The following ANKRD30BL variants were observed in gnomAD, a reference collection of about 807,000 sequenced individuals.
The protein encoded by ANKRD30BL is ankyrin repeat domain 30B like.
Under a neutral mutation model 18.4 loss-of-function variants are expected in ANKRD30BL, and 20 were observed. The observed-to-expected ratio is 1.09, with a 90% confidence interval of 0.77 to 1.58. The LOEUF is 1.58. Ranked by LOEUF, ANKRD30BL falls within the 40% of genes most tolerant of loss-of-function variation. The pLI is 0.00. For missense variants in ANKRD30BL, 224 were observed against 268.6 expected (o/e 0.83, Z 1.16); for synonymous variants, 72 against 100.9 (o/e 0.71, Z 1.72).
At chr2:132,184,888 A>G (rs1249012169) in intron 1 of ANKRD30BL, among the ~76,000 whole-genome samples, 1 of 151,584 alleles carries the variant, frequency 6.6e-6, no homozygotes, top group Admixed American at 6.6e-5. Flanking sequence ...ATCTCAGCTC[A>G]TGCAATTTCC....
chr2:132,221,677 G>A (rs559994716), intron 1 of ANKRD30BL, among the ~76,000 whole-genome samples: 1,215 of 118,530 alleles, frequency 0.01, 47 homozygotes, highest in African/African-American at 0.049. Flanking sequence ...CAGCCGCCCC[G>A]TCCGGGAGGG....
chr2:132,212,153 A>ATT (rs370768432), intron 1 of ANKRD30BL, among the ~76,000 whole-genome samples: 22 of 149,452 alleles, frequency 1.5e-4, no homozygotes, highest in Admixed American at 5.4e-4. Context: ...AGTGTTGAAC[A>ATT]TTTTTTTTTT....
At chr2:132,252,420 C>T (rs1424275213) in intron 1 of ANKRD30BL, among the ~76,000 whole-genome samples, 1 of 152,194 alleles carries the variant, frequency 6.6e-6, no homozygotes. Flanking sequence ...GACACCACAG[C>T]ATCCAGTGGA....
At chr2:132,225,848 G>C (rs1015720093) in intron 1 of ANKRD30BL, among the ~76,000 whole-genome samples, 2 of 151,892 alleles carry the variant, frequency 1.3e-5, no homozygotes, top group South Asian at 4.1e-4. Context: ...ATAAAAACTA[G>C]ACAGTAGCAT....
chr2:132,184,958 G>A (rs934973654), intron 1 of ANKRD30BL, among the ~76,000 whole-genome samples: 9 of 152,036 alleles, frequency 5.9e-5, no homozygotes, highest in African/African-American at 2.2e-4. Context: ...GACTACAGGT[G>A]CATGCCACCA....
chr2:132,200,323 G>T (rs1004985436), intron 1 of ANKRD30BL, among the ~76,000 whole-genome samples: 1 of 151,850 alleles, frequency 6.6e-6, no homozygotes, highest in Non-Finnish European at 1.5e-5. Flanking sequence ...GAAATAAAGG[G>T]TATTCAATTA....
chr2:132,173,151 A>C (rs572304151), intron 1 of ANKRD30BL, among the ~76,000 whole-genome samples: 1 of 151,382 alleles, frequency 6.6e-6, no homozygotes, highest in African/African-American at 2.4e-5. Context: ...TTTTTCTAGG[A>C]GTTTAAGGGT....
At chr2:132,176,153 G>T (rs1422924633) in intron 1 of ANKRD30BL, among the ~76,000 whole-genome samples, 1 of 152,076 alleles carries the variant, frequency 6.6e-6, no homozygotes, top group Non-Finnish European at 1.5e-5. Flanking sequence ...CAGCATTTTG[G>T]CAGGTGGAGG....
chr2:132,253,112 C>T lies in ANKRD30BL; in HGVS notation n.441+4417G>A, dbSNP rs562742453. The T allele has an allele frequency of 6.6e-3, 1,191 of 179,778 alleles. 14 individuals carry two copies. Among genetic ancestry groups the T allele is most frequent in the African/African-American group, 0.026 (1,086 of 41,864 alleles). The allele number at this position is 179,778 out of a possible 1,614,324, so 11.1% of individuals were successfully genotyped here. On this transcript the variant is annotated intron_variant and non_coding_transcript_variant, in intron 1 of 4. Transcript: ENST00000470729. Reference sequence around the variant, plus strand: ...CCTGCCAGGGAACAGTCATGCACCCCGAGGAGCCCAGAGGCAACCCTGGGG... The same window carrying T: ...CCTGCCAGGGAACAGTCATGCACCCTGAGGAGCCCAGAGGCAACCCTGGGG...
intron 1 of ANKRD30BL, among the ~76,000 whole-genome samples, chr2:132,236,555 C>A (rs1028263791): frequency 1.3e-5 from 2 of 152,102 alleles, no homozygotes; most frequent in Middle Eastern, 3.2e-3. Flanking sequence ...CAGAGAAATG[C>A]AAATCAAAAC....
chr2:132,234,767 A>G (rs201230708), intron 1 of ANKRD30BL, among the ~76,000 whole-genome samples: 5 of 152,150 alleles, frequency 3.3e-5, no homozygotes, highest in South Asian at 2.1e-4. Context: ...ACAAGGAGGA[A>G]CTGGTACCAT....
At chr2:132,204,862 G>T (rs1340565717) in intron 1 of ANKRD30BL, among the ~76,000 whole-genome samples, 4 of 152,262 alleles carry the variant, frequency 2.6e-5, no homozygotes, top group Non-Finnish European at 4.4e-5. Flanking sequence ...TGAGATGCAG[G>T]TGGTGAAGAC....
intron 5 of ANKRD30BL, among the ~76,000 whole-genome samples, chr2:132,150,665 C>T (rs1163679280): frequency 1.3e-5 from 2 of 151,562 alleles, no homozygotes; most frequent in Non-Finnish European, 2.9e-5. Flanking sequence ...TTAGGGACCA[C>T]AATTAAACAA....
chr2:132,169,004 G>A (rs570681515), intron 1 of ANKRD30BL, among the ~76,000 whole-genome samples: 29 of 151,876 alleles, frequency 1.9e-4, no homozygotes, highest in African/African-American at 6.8e-4. Flanking sequence ...TATTGTCATT[G>A]GGATTATTGC....
chr2:132,150,551 T>C (rs1687731305), intron 5 of ANKRD30BL, among the ~76,000 whole-genome samples: 1 of 151,656 alleles, frequency 6.6e-6, no homozygotes, highest in Non-Finnish European at 1.5e-5. Context: ...CCAAGGATTA[T>C]ACATTTTATA....
At chr2:132,152,756 CTAA>C (rs1358013292) in intron 4 of ANKRD30BL, 3 of 152,106 alleles carry the variant, frequency 2.0e-5, no homozygotes, top group Non-Finnish European at 4.4e-5. Flanking sequence ...ACGACCACAA[CTAA>C]TATTGGCTAG....
At chr2:132,216,161 C>T (rs1341557995) in intron 1 of ANKRD30BL, among the ~76,000 whole-genome samples, 2 of 151,810 alleles carry the variant, frequency 1.3e-5, no homozygotes, top group Admixed American at 6.6e-5. Context: ...CACTTTGTGG[C>T]ATATGGTGGA....
At chr2:132,243,985 T>C (rs1300327215) in intron 1 of ANKRD30BL, among the ~76,000 whole-genome samples, 15 of 152,382 alleles carry the variant, frequency 9.8e-5, no homozygotes, top group African/African-American at 3.6e-4. Context: ...GAACTTTTCT[T>C]TTGATAGAGC....
At chr2:132,177,879 T>G (rs1688393074) in intron 1 of ANKRD30BL, among the ~76,000 whole-genome samples, 1 of 152,316 alleles carries the variant, frequency 6.6e-6, no homozygotes, top group Non-Finnish European at 1.5e-5. Context: ...GGAATTTTTT[T>G]GTTTGTTTTT....
Sources: allele counts gnomAD v4.1 joint callset (sites outside exome capture counted in the v4.1 genomes callset), GRCh38; gene constraint gnomAD v4.1.1; transcripts MANE v1.5; gene names NCBI Gene and HGNC (gene_info 2026-07-23, HGNC 2026-07-21).